The following METTL15 variants were observed in gnomAD, a reference collection of about 807,000 sequenced individuals.
The protein encoded by METTL15 is 12S rRNA N(4)-cytidine methyltransferase METTL15.
Under a neutral mutation model 38.3 loss-of-function variants are expected in METTL15, and 34 were observed. The observed-to-expected ratio is 0.89, with a 90% CI of 0.68 to 1.18. The LOEUF is 1.18. Ranked by LOEUF, METTL15 falls within the 50% of genes most tolerant of loss-of-function variation. The probability of loss-of-function intolerance (pLI) is 0.00; values close to 1 mark genes in which losing one functional copy is unlikely to be tolerated. For synonymous variants in METTL15, 162 were observed against 170.9 expected, an observed-to-expected ratio of 0.95 and a Z score of 0.41; for missense variants, 438 against 498.4, an observed-to-expected ratio of 0.88 and a Z score of 1.15.
At chr11:28,111,703 C>T (rs957792564) in intron 2 of METTL15, among the ~76,000 whole-genome samples, 1 of 152,084 alleles carries the variant, frequency 6.6e-6, no homozygotes, top group Non-Finnish European at 1.5e-5. Context: ...TTTTCCCTGT[C>T]TATAAAATGG....
intron 4 of METTL15, among the ~76,000 whole-genome samples, chr11:28,257,268 C>T (rs761205835): frequency 3.9e-5 from 6 of 152,094 alleles, no homozygotes; most frequent in Middle Eastern, 3.2e-3. Context: ...TATTGGAGCT[C>T]CATTGTATGT....
At chr11:28,153,278 A>G (rs1850154899) in intron 3 of METTL15, among the ~76,000 whole-genome samples, 1 of 152,098 alleles carries the variant, frequency 6.6e-6, no homozygotes, top group African/African-American at 2.4e-5. Context: ...CTCTGACATA[A>G]CTACGCACAT....
At chr11:28,218,074 G>GT (rs1300760111) in intron 4 of METTL15, among the ~76,000 whole-genome samples, 2 of 152,154 alleles carry the variant, frequency 1.3e-5, no homozygotes, top group Non-Finnish European at 2.9e-5. Flanking sequence ...CTTCAAAGTA[G>GT]TTTTTTCCTA....
chr11:28,199,037 T>G (rs565539500), intron 3 of METTL15, among the ~76,000 whole-genome samples: 2 of 151,960 alleles, frequency 1.3e-5, no homozygotes, highest in East Asian at 3.9e-4. Context: ...ATCCCTCTCT[T>G]AACACTGACC....
intron 4 of METTL15, among the ~76,000 whole-genome samples, chr11:28,224,966 T>G (rs531767092): frequency 3.0e-4 from 46 of 151,812 alleles, no homozygotes; most frequent in Admixed American, 9.8e-4. Context: ...CTAATCACTT[T>G]TATTTTTTTA....
At chr11:28,483,145 T>G (rs950423558) in intron 6 of METTL15, among the ~76,000 whole-genome samples, 1 of 152,122 alleles carries the variant, frequency 6.6e-6, no homozygotes, top group Non-Finnish European at 1.5e-5. Flanking sequence ...AAAAGAGACA[T>G]GCTGCAGCAA....
chr11:28,306,366 G>T (rs1857082545), intron 6 of METTL15, among the ~76,000 whole-genome samples: 1 of 151,994 alleles, frequency 6.6e-6, no homozygotes, highest in Non-Finnish European at 1.5e-5. Flanking sequence ...CTTTTTACTT[G>T]TTAAAAATGA....
In METTL15 at chr11:28,511,104, A is replaced by G. The variant is rs1590399346; in HGVS notation, c.*425-15374A>G. On this transcript the variant is annotated intron_variant and NMD_transcript_variant, in intron 6 of 7. Transcript: ENST00000532947. The stretch of plus-strand genomic sequence containing the variant: ...AAAAGTACTGGGAAATAAACTATAT[A>G]CACATGTACGCACTCATATACACAC... 2.6e-5 allele frequency among the ~76,000 whole-genome samples: 4 copies of G among 152,294 alleles called. No individual in the cohort carries two copies. The South Asian group carries it at 8.3e-4, about 32-fold the overall frequency.
rs573559907 is a variant in METTL15 at position 28,356,969 on chromosome 11, A to T, written c.*258+4811A>T. Among the ~76,000 whole-genome samples the T allele has an allele frequency of 3.3e-5, 5 of 152,248 alleles. No homozygotes were observed. The East Asian group carries it at 9.7e-4, about 29-fold the overall frequency. On this transcript the variant is annotated intron_variant and NMD_transcript_variant, in intron 4 of 7. Coordinates refer to the METTL15 transcript ENST00000532947. ...TGGCCTCAGGACTCATTTCTCGAGG[A>T]GACTGGGCACAGTTAGCTGCACACT...
intron 6 of METTL15, among the ~76,000 whole-genome samples, chr11:28,447,687 G>T (rs971375457): frequency 1.3e-5 from 2 of 152,064 alleles, no homozygotes; most frequent in African/African-American, 4.8e-5. Context: ...TTTCAAATCA[G>T]TTCTTCTTGA....
At chr11:28,473,861 CTA>C (rs1851321778) in intron 6 of METTL15, among the ~76,000 whole-genome samples, 2 of 152,008 alleles carry the variant, frequency 1.3e-5, no homozygotes, top group African/African-American at 4.8e-5. Context: ...TGGTGAGAAC[CTA>C]TGTTTTCTTC....
intron 5 of METTL15, among the ~76,000 whole-genome samples, chr11:28,380,733 T>C (rs1237868348): frequency 6.6e-6 from 1 of 152,210 alleles, no homozygotes; most frequent in Non-Finnish European, 1.5e-5. Flanking sequence ...CAACATATCT[T>C]AGATTAAAAA....
rs190284339 is a variant in METTL15 at position 28,355,304 on chromosome 11, G to A, written c.*258+3146G>A. 7.3e-3 allele frequency among the ~76,000 whole-genome samples: 1,118 copies of A among 152,220 alleles called. 1 individual carries two copies. Among genetic ancestry groups the A allele is most frequent in the Middle Eastern group, 0.01 (3 of 292 alleles). On this transcript the variant is annotated intron_variant and NMD_transcript_variant, in intron 4 of 7. Transcript: ENST00000532947. The stretch of plus-strand genomic sequence containing the variant: ...ATTAATACATTTCAATAAATATTGA[G>A]GTTTTTCTAGGCCCAATCAATCCAA...
intron 4 of METTL15, among the ~76,000 whole-genome samples, chr11:28,217,108 C>G (rs562611341): frequency 1.5e-4 from 23 of 152,238 alleles, no homozygotes; most frequent in African/African-American, 5.3e-4. Context: ...AATGGTATTT[C>G]TAATTCTAGA....
At chr11:28,461,579 G>T (rs1851215237) in intron 6 of METTL15, among the ~76,000 whole-genome samples, 1 of 151,948 alleles carries the variant, frequency 6.6e-6, no homozygotes, top group African/African-American at 2.4e-5. Flanking sequence ...AGGAAGTTTG[G>T]AAGGAAACGA....
Position 28,330,385 on chromosome 11 carries a change from AT to A in METTL15, c.779-8del, listed in dbSNP as rs1339381603. ...GGTCTTCTTTTCCTATCTTTACAAC[AT>A]TTGTTTTAGGAGCATTTCCTCCCTC... On this transcript the variant is annotated splice_polypyrimidine_tract_variant and intron_variant, in intron 6 of 6. Coordinates refer to ENST00000407364, the MANE Select transcript of METTL15 (RefSeq NM_001113528.2). The A allele has an allele frequency of 2.8e-5, 43 of 1,527,106 alleles. No individual in the cohort carries two copies. Among genetic ancestry groups the A allele is most frequent in the Non-Finnish European group, 3.8e-5 (43 of 1,137,350 alleles). The allele number at this position is 1,527,106 out of a possible 1,614,324, so 94.6% of individuals were successfully genotyped here.
chr11:28,388,774 G>A (rs979299066), intron 5 of METTL15, among the ~76,000 whole-genome samples: 2 of 151,986 alleles, frequency 1.3e-5, no homozygotes, highest in Non-Finnish European at 2.9e-5. Context: ...TTGGTGTGCT[G>A]CACCCATTAA....
intron 3 of METTL15, among the ~76,000 whole-genome samples, chr11:28,124,764 T>C (rs1362665025): frequency 6.6e-6 from 1 of 152,130 alleles, no homozygotes; most frequent in Non-Finnish European, 1.5e-5. Flanking sequence ...GGCTTTAATA[T>C]TACTCTTAAC....
intron 4 of METTL15, among the ~76,000 whole-genome samples, chr11:28,260,724 T>C (rs1486123751): frequency 6.6e-6 from 1 of 152,154 alleles, no homozygotes; most frequent in Non-Finnish European, 1.5e-5. Context: ...TTTGTTAAAA[T>C]AGGGAAGAAT....
Sources: gnomAD v4.1 joint callset for allele counts (sites outside exome capture counted in the v4.1 genomes callset) on GRCh38, gnomAD v4.1.1 for gene constraint, MANE v1.5 for transcripts, NCBI Gene and HGNC (gene_info 2026-07-23, HGNC 2026-07-21) for gene names.